RDH13: variants seen among roughly 807,000 people sequenced by gnomAD.
The protein encoded by RDH13 is retinol dehydrogenase 13 (all-trans and 9-cis).
RDH13 carries 35 observed loss-of-function variants against 28.3 expected under a neutral mutation model. That is an observed-to-expected ratio of 1.24 (90% confidence interval 0.95 to 1.64). The LOEUF (loss-of-function observed/expected upper bound fraction) is 1.64. RDH13 is among the 40% of genes most tolerant of loss of function. RDH13 has a pLI of 0.00. For synonymous variants in RDH13, 229 were observed against 198.5 expected (o/e 1.15, Z -1.29); for missense variants, 514 against 446.3 (o/e 1.15, Z -1.37).
At chr19:55,048,791 A>G in intron 3 of RDH13, 28 bp from the exon 4 acceptor site, 1 of 1,593,768 alleles carries the variant, frequency 6.3e-7, no homozygotes. Context: ...AGGAGGAGAC[A>G]TCCCGGTGAG....
At position 55,063,064 on chromosome 19, in the gene RDH13, G is replaced by GTCAGGCGTCCGGA. The variant is rs55805642; in HGVS notation, c.-33_-32insTCCGGACGCCTGA. Reference sequence around the variant, plus strand: ...CCGGGGACAGGCGTCAGGCGTCAGGGGTCGGCGCGGAGCTTGCTGCACACC... The same window carrying GTCAGGCGTCCGGA: ...CCGGGGACAGGCGTCAGGCGTCAGGGTCAGGCGTCCGGAGTCGGCGCGGAGCTTGCTGCACACC... On this transcript the variant is annotated 5_prime_UTR_variant, in exon 1 of 7. Transcript: ENST00000415061. 3.4e-4 allele frequency: 410 copies of GTCAGGCGTCCGGA among 1,203,872 alleles called. 2 individuals carry two copies. Among genetic ancestry groups the GTCAGGCGTCCGGA allele is most frequent in the Middle Eastern group, 9.8e-4 (4 of 4,068 alleles). 74.6% of individuals were successfully genotyped at this position (1,203,872 alleles called of 1,614,324 possible).
intron 1 of RDH13, among the ~76,000 whole-genome samples, chr19:55,061,189 T>A (rs1654453): frequency 3.3e-5 from 5 of 151,978 alleles, no homozygotes; most frequent in Non-Finnish European, 7.4e-5. Flanking sequence ...GTGCAGTGGC[T>A]CAATCTCAGC....
chr19:55,060,323 ATTC>A (rs897986029), intron 1 of RDH13, among the ~76,000 whole-genome samples: 9 of 152,164 alleles, frequency 5.9e-5, no homozygotes, highest in African/African-American at 2.2e-4. Flanking sequence ...CTGCCTTGTT[ATTC>A]TTTACTCCGC....
chr19:55,049,780 A>C (rs1602726451), intron 3 of RDH13, among the ~76,000 whole-genome samples: 1 of 118,564 alleles, frequency 8.4e-6, no homozygotes, highest in Admixed American at 9.8e-5. Flanking sequence ...TAAAAGCAAA[A>C]CTCCATCTCA....
At chr19:55,043,591 A>G (rs992038037), downstream of RDH13, among the ~76,000 whole-genome samples, 4 of 151,874 alleles carry the variant, frequency 2.6e-5, no homozygotes, top group African/African-American at 7.3e-5. Context: ...TCGCTTGAAC[A>G]TGGGAGACAC....
intron 3 of RDH13, among the ~76,000 whole-genome samples, chr19:55,051,955 T>C (rs1441834768): frequency 6.6e-6 from 1 of 151,782 alleles, no homozygotes; most frequent in Non-Finnish European, 1.5e-5. Flanking sequence ...TGGTCTCGAA[T>C]TTCTGAGCTT....
chr19:55,066,111 G>A (rs939467317), upstream of RDH13, among the ~76,000 whole-genome samples: 4 of 152,166 alleles, frequency 2.6e-5, no homozygotes, highest in Non-Finnish European at 5.9e-5. Context: ...CTGTTAATAT[G>A]GTTATTATAA....
At position 55,045,152 on chromosome 19, in the gene RDH13, G is replaced by C. The variant is rs1479398548; in HGVS notation, c.918C>G (p.Ala306=). ...GGGCACTTTCAGCCCAAAGCCTCCG[G>C]GCCACCTCCTCATCCTCAGCCTCGG... is the stretch of plus-strand genomic sequence containing the variant. ...PAPEAEDEEV[A]RRLWAESARL... Residue 306 remains alanine, a synonymous_variant, in exon 7 of 7, where the codon GCC becomes GCG. Transcript: ENST00000415061. 6.2e-7 allele frequency: 1 copy of C among 1,613,656 alleles called. No homozygotes were observed. Among genetic ancestry groups the C allele is most frequent in the Non-Finnish European group, 8.5e-7 (1 of 1,180,022 alleles).
chr19:55,063,080 G>C lies in RDH13; in HGVS notation c.-48C>G, dbSNP rs1217191834. ...GGCGTCAGGGGTCGGCGCGGAGCTT[G>C]CTGCACACCAGCCGCCTGGGTAGCT... On this transcript the variant is annotated 5_prime_UTR_variant, in exon 1 of 7. Transcript: ENST00000415061. 5 of 1,244,460 alleles carry C rather than the reference G, an allele frequency of 4.0e-6. No homozygotes were observed. The highest frequency in any genetic ancestry group is 4.5e-5 in the Admixed American group (1 of 22,110). 77.1% of individuals were successfully genotyped at this position (1,244,460 alleles called of 1,614,324 possible).
At chr19:55,066,113 T>A (rs2075954442), upstream of RDH13, among the ~76,000 whole-genome samples, 1 of 152,156 alleles carries the variant, frequency 6.6e-6, no homozygotes. Flanking sequence ...GTTAATATGG[T>A]TATTATAAAG....
At chr19:55,048,829 G>A in intron 3 of RDH13, 66 bp from the exon 4 acceptor site, 1 of 1,347,178 alleles carries the variant, frequency 7.4e-7, no homozygotes, top group Non-Finnish European at 1.1e-6. Flanking sequence ...TGCACCAGCA[G>A]AAACACTCCT....
chr19:55,047,239 G>C (rs1282807082), intron 6 of RDH13, 148 bp downstream of exon 6: 1 of 1,426,302 alleles, frequency 7.0e-7, no homozygotes, highest in Non-Finnish European at 9.2e-7. Context: ...CGGAGGAAAG[G>C]GACCTGTGCT....
intron 3 of RDH13, 21 bp downstream of exon 3, chr19:55,056,632 A>G (rs1019458370): frequency 1.2e-6 from 2 of 1,613,210 alleles, no homozygotes; most frequent in East Asian, 4.5e-5. Context: ...TCCTCATCCC[A>G]CATGGCCAGC....
At chr19:55,048,978 CACATGGGGAGA>C (rs1357755722) in intron 3 of RDH13, among the ~76,000 whole-genome samples, 3 of 152,090 alleles carry the variant, frequency 2.0e-5, no homozygotes, top group Non-Finnish European at 4.4e-5. Context: ...GAGACAGAGA[CACATGGGGAGA>C]AGGCCATGTG....
At chr19:55,052,689 TCTCA>T (rs893996906) in intron 3 of RDH13, among the ~76,000 whole-genome samples, 10 of 146,098 alleles carry the variant, frequency 6.8e-5, no homozygotes, top group Non-Finnish European at 1.3e-4. Flanking sequence ...TGAGATGGAG[TCTCA>T]CTCTGTCACC....
At chr19:55,062,140 TTAACAC>T in intron 1 of RDH13, among the ~76,000 whole-genome samples, 1 of 151,224 alleles carries the variant, frequency 6.6e-6, no homozygotes, top group Non-Finnish European at 1.5e-5. Context: ...GATGCTTCAC[TTAACAC>T]ATCAGCGAGA....
In RDH13 at chr19:55,063,069, G is replaced by T. The variant is rs748128893; in HGVS notation, c.-37C>A. On this transcript the variant is annotated 5_prime_UTR_variant, in exon 1 of 7. Transcript: ENST00000415061. ...GACAGGCGTCAGGCGTCAGGGGTCG[G>T]CGCGGAGCTTGCTGCACACCAGCCG... The T allele has an allele frequency of 7.5e-7, 1 of 1,326,866 alleles. No homozygotes were observed. Among genetic ancestry groups the T allele is most frequent in the South Asian group, 1.9e-5 (1 of 52,772 alleles). 82.2% of individuals were successfully genotyped at this position (1,326,866 alleles called of 1,614,324 possible).
In RDH13 at chr19:55,044,728, C is replaced by T. The variant is rs980749683; in HGVS notation, c.*346G>A. 1 of 325,014 alleles carries T rather than the reference C, an allele frequency of 3.1e-6. No homozygotes were observed. The highest frequency in any genetic ancestry group is 5.6e-6 in the Non-Finnish European group (1 of 178,648). 20.1% of individuals were successfully genotyped at this position (325,014 alleles called of 1,614,324 possible). A position where few individuals can be genotyped will look rare whatever the true frequency, so the allele number is the denominator to read the frequency against. On this transcript the variant is annotated 3_prime_UTR_variant, in exon 7 of 7. Transcript: ENST00000415061. ...ACTTGCCCATGCTCTTCACGGAGCA[C>T]CTTGGAACCCTCCCCGACAGGCACC...
upstream of RDH13, chr19:55,067,407 G>A (rs1000384372): frequency 6.6e-6 from 1 of 152,216 alleles, no homozygotes; most frequent in African/African-American, 2.4e-5. Context: ...CCTCAGCCAG[G>A]GAGGAGACTC....
Sources: gnomAD v4.1 joint callset for allele counts (sites outside exome capture counted in the v4.1 genomes callset) on GRCh38, gnomAD v4.1.1 for gene constraint, MANE v1.5 for transcripts, NCBI Gene and HGNC (gene_info 2026-07-23, HGNC 2026-07-21) for gene names.